VPS54: variants seen among roughly 807,000 people sequenced by gnomAD.
The protein encoded by VPS54 is VPS54 subunit of GARP complex, also known as vacuolar protein sorting-associated protein 54.
Under a neutral mutation model 121.5 loss-of-function variants are expected in VPS54, and 45 were observed. The observed-to-expected ratio is 0.37, with a 90% CI of 0.29 to 0.47. The LOEUF (loss-of-function observed/expected upper bound fraction) is 0.47. Ranked by LOEUF, VPS54 falls within the 20% of genes least tolerant of loss-of-function variation. The pLI is 0.99. For synonymous variants in VPS54, 371 were observed against 385.8 expected (o/e 0.96, Z 0.45); for missense variants, 1,090 against 1,131.4 (o/e 0.96, Z 0.52).
At chr2:63,928,956 C>A (rs1674051909) in intron 12 of VPS54, among the ~76,000 whole-genome samples, 1 of 151,690 alleles carries the variant, frequency 6.6e-6, no homozygotes, top group Non-Finnish European at 1.5e-5. Flanking sequence ...ATCAATTCAA[C>A]AAGAAGAACT....
At chr2:63,916,455 C>T (rs1432188112) in intron 16 of VPS54, among the ~76,000 whole-genome samples, 1 of 152,108 alleles carries the variant, frequency 6.6e-6, no homozygotes, top group Non-Finnish European at 1.5e-5. Context: ...AAATGCTTTA[C>T]ATGAATTACT....
At chr2:63,902,784 A>G (rs903874727) in intron 20 of VPS54, among the ~76,000 whole-genome samples, 10 of 152,284 alleles carry the variant, frequency 6.6e-5, no homozygotes, top group Middle Eastern at 3.4e-3. Flanking sequence ...CCTGGCCAAC[A>G]TGGCAAAACC....
chr2:63,914,511 CTG>C (rs1365045153), intron 16 of VPS54, among the ~76,000 whole-genome samples: 4 of 152,182 alleles, frequency 2.6e-5, no homozygotes, highest in Admixed American at 6.5e-5. Flanking sequence ...GGCTCTTACT[CTG>C]TGCAATTGCA....
intron 12 of VPS54, among the ~76,000 whole-genome samples, chr2:63,923,140 C>T (rs540898244): frequency 1.3e-5 from 2 of 151,852 alleles, no homozygotes; most frequent in Admixed American, 6.6e-5. Context: ...ATGGTGAAAC[C>T]CCGTCTCTAC....
intron 1 of VPS54, among the ~76,000 whole-genome samples, chr2:63,994,746 G>T (rs1210217902): frequency 6.6e-6 from 1 of 152,134 alleles, no homozygotes; most frequent in Admixed American, 6.5e-5. Context: ...TAAACCTGCA[G>T]GAAAACCATG....
At position 63,991,925 on chromosome 2, in the gene VPS54, C is replaced by T. The variant is rs556472408; in HGVS notation, c.-20-7906G>A. Among the ~76,000 whole-genome samples, 132 of 152,338 alleles carry T rather than the reference C, an allele frequency of 8.7e-4. 3 individuals carry two copies. In the South Asian group the frequency reaches 0.026, roughly 30 times the overall value. Reference sequence around the variant, plus strand: ...GGGTTGGGGCGGTCGATCTCTGTAGCACTATTCCTCTAAATTTACTACCTA... The same window carrying T: ...GGGTTGGGGCGGTCGATCTCTGTAGTACTATTCCTCTAAATTTACTACCTA... On this transcript the variant is annotated intron_variant, in intron 1 of 22. Transcript: ENST00000272322.
chr2:63,937,744 CA>C (rs915155681), intron 11 of VPS54, among the ~76,000 whole-genome samples: 10 of 151,928 alleles, frequency 6.6e-5, no homozygotes, highest in African/African-American at 1.9e-4. Context: ...GAAGGCAACA[CA>C]AATGTCCATT....
At chr2:63,954,523 G>T (rs1044717334) in intron 7 of VPS54, among the ~76,000 whole-genome samples, 3 of 151,994 alleles carry the variant, frequency 2.0e-5, no homozygotes, top group Admixed American at 2.0e-4. Context: ...TTGTTATAGG[G>T]AAACATCAAT....
At chr2:64,008,797 G>GA in intron 1 of VPS54, among the ~76,000 whole-genome samples, 1 of 151,506 alleles carries the variant, frequency 6.6e-6, no homozygotes, top group South Asian at 2.1e-4. Context: ...GAATGAAATG[G>GA]AAAGACAAGA....
At chr2:63,961,920 T>C in intron 7 of VPS54, 138 bp downstream of exon 7, 1 of 941,714 alleles carries the variant, frequency 1.1e-6, no homozygotes, top group Non-Finnish European at 1.5e-6. Flanking sequence ...CAGAATAACA[T>C]TATTAAACAA....
chr2:63,994,487 A>G (rs1303300538), intron 1 of VPS54, among the ~76,000 whole-genome samples: 1 of 152,194 alleles, frequency 6.6e-6, no homozygotes, highest in Non-Finnish European at 1.5e-5. Flanking sequence ...CTGGAGCTAC[A>G]GATGACCGTT....
In VPS54 at chr2:63,920,011, G is replaced by A; in HGVS notation, c.2052-16C>T. 1 of 1,589,324 alleles carries A rather than the reference G, an allele frequency of 6.3e-7. No individual in the cohort carries two copies. Among genetic ancestry groups the A allele is most frequent in the Non-Finnish European group, 8.6e-7 (1 of 1,166,774 alleles). ...TAAGAGGAGGCTAGTCCACAGTAAG[G>A]AGAAAAGAAGGTAAACTTTAACATT... On this transcript the variant is annotated splice_polypyrimidine_tract_variant and intron_variant, in intron 14 of 22. Coordinates refer to ENST00000272322, the MANE Select transcript of VPS54 (RefSeq NM_016516.3).
In VPS54 at chr2:64,019,421, C is replaced by T. The variant is rs1022372242; in HGVS notation, c.-504G>A. 6.6e-6 allele frequency among the ~76,000 whole-genome samples: 1 copy of T among 151,158 alleles called. No homozygotes were observed. Among genetic ancestry groups the T allele is most frequent in the Admixed American group, 6.6e-5 (1 of 15,162 alleles). The stretch of plus-strand genomic sequence containing the variant: ...CCGGAGGCCGCCGCAGCCCCCAGCC[C>T]ACAATCCACCGCGCGGCTCCGCCGG... On this transcript the variant is annotated 5_prime_UTR_variant, in exon 1 of 23. Coordinates refer to ENST00000272322, the MANE Select transcript of VPS54 (RefSeq NM_016516.3).
At chr2:63,936,712 A>G (rs538304806) in intron 11 of VPS54, among the ~76,000 whole-genome samples, 17 of 152,310 alleles carry the variant, frequency 1.1e-4, no homozygotes, top group Non-Finnish European at 2.5e-4. Flanking sequence ...AAGTCAAAAT[A>G]CAATCGTAAA....
intron 7 of VPS54, among the ~76,000 whole-genome samples, chr2:63,955,532 T>G (rs1418350529): frequency 1.3e-5 from 2 of 152,058 alleles, no homozygotes; most frequent in African/African-American, 4.8e-5. Context: ...CAATGTTCTA[T>G]TTGACCTTAG....
intron 12 of VPS54, among the ~76,000 whole-genome samples, chr2:63,926,536 G>A (rs1289077074): frequency 6.6e-6 from 1 of 152,182 alleles, no homozygotes; most frequent in Non-Finnish European, 1.5e-5. Flanking sequence ...GGCTGAATAG[G>A]AACAGCTCTT....
At chr2:63,976,365 C>T (rs76837505) in intron 3 of VPS54, among the ~76,000 whole-genome samples, 1 of 144,248 alleles carries the variant, frequency 6.9e-6, no homozygotes, top group African/African-American at 2.6e-5. Flanking sequence ...AAAAAAAAAA[C>T]AAAAAACAAA....
chr2:63,997,576 C>T (rs1340160971), intron 1 of VPS54, among the ~76,000 whole-genome samples: 9 of 150,702 alleles, frequency 6.0e-5, no homozygotes, highest in Non-Finnish European at 1.5e-5. Flanking sequence ...CTTTTGGGGT[C>T]TTCTTTTTTC....
chr2:63,915,447 T>G (rs1408866199), intron 16 of VPS54, among the ~76,000 whole-genome samples: 2 of 152,232 alleles, frequency 1.3e-5, no homozygotes, highest in African/African-American at 4.8e-5. Context: ...CTGGTCTCTA[T>G]GCTTATTTCT....
Sources: allele counts gnomAD v4.1 joint callset (sites outside exome capture counted in the v4.1 genomes callset), GRCh38; gene constraint gnomAD v4.1.1; transcripts MANE v1.5; gene names NCBI Gene and HGNC (gene_info 2026-07-23, HGNC 2026-07-21).